MCC: variants seen among roughly 807,000 people sequenced by gnomAD.
MCC encodes the protein MCC regulator of Wnt signaling pathway.
MCC carries 90 observed loss-of-function variants against 116.2 expected under a neutral mutation model. That is an observed-to-expected ratio of 0.77 (90% CI 0.65 to 0.92). The LOEUF is 0.92. Ranked by LOEUF, MCC falls within the 40% of genes least tolerant of loss-of-function variation. The pLI is 0.00. For missense variants in MCC, 1,516 were observed against 1,312.2 expected (o/e 1.16, Z -2.40); for synonymous variants, 578 against 510.5 (o/e 1.13, Z -1.78).
chr5:113,485,888 T>A (rs1204965864), intron 1 of MCC, among the ~76,000 whole-genome samples: 1 of 152,230 alleles, frequency 6.6e-6, no homozygotes, highest in Non-Finnish European at 1.5e-5. Context: ...AAGGTTTTAA[T>A]GTTAAAAAGT....
chr5:113,075,296 G>C (rs1196833025), intron 11 of MCC, among the ~76,000 whole-genome samples: 1 of 152,222 alleles, frequency 6.6e-6, no homozygotes, highest in Non-Finnish European at 1.5e-5. Flanking sequence ...GGGACCTGCA[G>C]CCTACCATGC....
intron 3 of MCC, among the ~76,000 whole-genome samples, chr5:113,196,243 G>A (rs1380234295): frequency 2.6e-5 from 4 of 152,200 alleles, no homozygotes; most frequent in African/African-American, 7.2e-5. Context: ...AAGCATTGCT[G>A]GATGGATGAA....
chr5:113,084,063 C>T (rs369945851), intron 10 of MCC, 38 bp downstream of exon 10: 3 of 1,512,156 alleles, frequency 2.0e-6, no homozygotes, highest in South Asian at 2.3e-5. Context: ...TGTAGCTCTG[C>T]CGGGTACTTT....
intron 1 of MCC, among the ~76,000 whole-genome samples, chr5:113,402,022 C>T (rs919766501): frequency 5.3e-5 from 8 of 151,704 alleles, no homozygotes; most frequent in East Asian, 2.0e-4. Flanking sequence ...GGGCCGGGCG[C>T]GGTGGCTCAC....
intron 3 of MCC, among the ~76,000 whole-genome samples, chr5:113,313,471 G>A (rs1285313399): frequency 6.6e-6 from 1 of 152,186 alleles, no homozygotes; most frequent in Non-Finnish European, 1.5e-5. Context: ...ATTCTGGCCC[G>A]AGAGTTCCTG....
intron 1 of MCC, among the ~76,000 whole-genome samples, chr5:113,414,463 G>A (rs1006517506): frequency 1.3e-5 from 2 of 152,152 alleles, no homozygotes; most frequent in South Asian, 4.1e-4. Context: ...TGTATTGAGT[G>A]CATATATATT....
chr5:113,069,161 G>C lies in MCC; in HGVS notation c.1926-978C>G, dbSNP rs149817679. Among the ~76,000 whole-genome samples the C allele has an allele frequency of 1.5e-3, 226 of 152,352 alleles. 1 individual carries two copies. The highest frequency in any genetic ancestry group is 5.2e-3 in the African/African-American group (215 of 41,578). ...TGGCCAGTGGTTACCATATTGGGCA[G>C]TGCATGTAGAGAACAGTTCCACCAT... On this transcript the variant is annotated intron_variant, in intron 12 of 18. Coordinates refer to ENST00000408903, the MANE Select transcript of MCC (RefSeq NM_001085377.2).
chr5:113,277,455 A>C (rs1303013970), intron 3 of MCC, among the ~76,000 whole-genome samples: 2 of 152,080 alleles, frequency 1.3e-5, no homozygotes, highest in East Asian at 3.8e-4. Flanking sequence ...TTTTGTATGA[A>C]TATGCACTAT....
At chr5:113,123,102 G>A (rs1489216315) in intron 5 of MCC, among the ~76,000 whole-genome samples, 2 of 152,150 alleles carry the variant, frequency 1.3e-5, no homozygotes, top group South Asian at 2.1e-4. Context: ...AAAGATTCCT[G>A]AAGAAACTAG....
intron 3 of MCC, among the ~76,000 whole-genome samples, chr5:113,221,791 G>T (rs1264138364): frequency 6.6e-6 from 1 of 151,842 alleles, no homozygotes; most frequent in Non-Finnish European, 1.5e-5. Context: ...CCGATTCACT[G>T]CCCCCCGCCC....
chr5:113,063,745 A>G (rs1753384172), intron 14 of MCC, among the ~76,000 whole-genome samples: 1 of 152,260 alleles, frequency 6.6e-6, no homozygotes, highest in Non-Finnish European at 1.5e-5. Flanking sequence ...CACTTTCCAC[A>G]GCAAATCTCT....
At chr5:113,048,903 A>G (rs566155629) in intron 16 of MCC, 190 bp downstream of exon 16, 1 of 606,302 alleles carries the variant, frequency 1.6e-6, no homozygotes, top group South Asian at 2.0e-5. Flanking sequence ...GAGATTTGGT[A>G]TTTCTAAAAT....
In MCC at chr5:113,227,785, A is replaced by G. The variant is rs560115951; in HGVS notation, c.628-76363T>C. Among the ~76,000 whole-genome samples, 32 of 152,304 alleles carry G rather than the reference A, an allele frequency of 2.1e-4. No individual in the cohort carries two copies. The South Asian group carries it at 6.4e-3, about 31-fold the overall frequency. Reference sequence around the variant, plus strand: ...AAACACATTCCATTCCTATAATAAAAGTAAAAAGTAGTCTCTTTTCCCCTA... The same window carrying G: ...AAACACATTCCATTCCTATAATAAAGGTAAAAAGTAGTCTCTTTTCCCCTA... On this transcript the variant is annotated intron_variant, in intron 3 of 18. Coordinates refer to ENST00000408903, the MANE Select transcript of MCC (RefSeq NM_001085377.2).
At chr5:113,102,004 A>G in intron 7 of MCC, 59 bp from the exon 8 acceptor site, 1 of 1,532,536 alleles carries the variant, frequency 6.5e-7, no homozygotes, top group East Asian at 2.2e-5. Flanking sequence ...AGGGGATAGG[A>G]AGAAAATAGG....
chr5:113,075,857 A>G (rs1039195171), intron 11 of MCC, among the ~76,000 whole-genome samples: 4 of 152,202 alleles, frequency 2.6e-5, no homozygotes, highest in Non-Finnish European at 5.9e-5. Flanking sequence ...ACTCAACGTG[A>G]AGGTCTGCAG....
intron 1 of MCC, among the ~76,000 whole-genome samples, chr5:113,471,179 A>G (rs1772079861): frequency 6.6e-6 from 1 of 152,140 alleles, no homozygotes; most frequent in African/African-American, 2.4e-5. Context: ...TCAACTCGTC[A>G]AAGTCATTCT....
At chr5:113,078,981 C>A (rs1458398592) in intron 11 of MCC, among the ~76,000 whole-genome samples, 1 of 152,102 alleles carries the variant, frequency 6.6e-6, no homozygotes, top group Non-Finnish European at 1.5e-5. Flanking sequence ...CAAAATCAAC[C>A]TGCAAAAATC....
intron 3 of MCC, among the ~76,000 whole-genome samples, chr5:113,188,832 G>A (rs1207382027): frequency 6.6e-6 from 1 of 152,204 alleles, no homozygotes; most frequent in East Asian, 1.9e-4. Context: ...GTGTCTACCT[G>A]ACTCCACAGT....
intron 3 of MCC, among the ~76,000 whole-genome samples, chr5:113,178,560 C>T (rs1761454870): frequency 6.6e-6 from 1 of 152,164 alleles, no homozygotes; most frequent in Admixed American, 6.5e-5. Flanking sequence ...CACATTTCCT[C>T]CTCACCCCCA....
Sources: gnomAD v4.1 joint callset for allele counts (sites outside exome capture counted in the v4.1 genomes callset) on GRCh38, gnomAD v4.1.1 for gene constraint, MANE v1.5 for transcripts, NCBI Gene and HGNC (gene_info 2026-07-23, HGNC 2026-07-21) for gene names.